ANGPT1: variants seen among roughly 807,000 people sequenced by gnomAD.
The protein encoded by ANGPT1 is angiopoietin 1, also known as angiopoietin-1.
ANGPT1 carries 17 observed loss-of-function variants against 62.2 expected under a neutral mutation model. The ratio of observed to expected loss-of-function variants is 0.27; its 90% confidence interval spans 0.19 to 0.41. The LOEUF is 0.41. Among genes scored for constraint, ANGPT1 ranks in the 10% least tolerant of loss-of-function variants. ANGPT1 has a pLI of 1.00. For missense variants in ANGPT1, 478 were observed against 594.9 expected (o/e 0.80, Z 2.04); for synonymous variants, 199 against 198.9 (o/e 1.00, Z 0.00).
intron 1 of ANGPT1, among the ~76,000 whole-genome samples, chr8:107,421,636 C>T (rs1466756209): frequency 2.0e-5 from 3 of 152,088 alleles, no homozygotes; most frequent in Non-Finnish European, 2.9e-5. Flanking sequence ...ATATCAGGTC[C>T]GGTGTGAAAG....
At chr8:107,403,679 ACTAT>A (rs1449626604) in intron 1 of ANGPT1, among the ~76,000 whole-genome samples, 2 of 152,278 alleles carry the variant, frequency 1.3e-5, no homozygotes, top group Non-Finnish European at 2.9e-5. Context: ...ATTTTTACAT[ACTAT>A]CTGTTATTTT....
At chr8:107,313,331 A>G (rs955864468) in intron 4 of ANGPT1, among the ~76,000 whole-genome samples, 2 of 151,524 alleles carry the variant, frequency 1.3e-5, no homozygotes, top group African/African-American at 4.8e-5. Context: ...TAGCACAAGC[A>G]TGAGATTCCA....
intron 7 of ANGPT1, among the ~76,000 whole-genome samples, chr8:107,283,306 TG>T (rs1296022165): frequency 2.6e-5 from 4 of 152,098 alleles, no homozygotes; most frequent in Admixed American, 6.6e-5. Context: ...GTCTCTTCTT[TG>T]GTTTCTTGAG....
At chr8:107,407,343 A>G (rs1033148186) in intron 1 of ANGPT1, among the ~76,000 whole-genome samples, 1 of 151,968 alleles carries the variant, frequency 6.6e-6, no homozygotes, top group African/African-American at 2.4e-5. Context: ...AAAAAAATCT[A>G]CATATTTAAA....
chr8:107,258,878 T>G (rs1433637626), intron 8 of ANGPT1, among the ~76,000 whole-genome samples: 1 of 152,186 alleles, frequency 6.6e-6, no homozygotes, highest in East Asian at 1.9e-4. Flanking sequence ...TAACATTCAT[T>G]TATGTATTTT....
At chr8:107,488,066 G>T (rs1048084449) in intron 1 of ANGPT1, among the ~76,000 whole-genome samples, 1 of 152,070 alleles carries the variant, frequency 6.6e-6, no homozygotes, top group African/African-American at 2.4e-5. Context: ...AGAATTTGCC[G>T]CTAATTAACC....
At chr8:107,427,232 C>G (rs1288750568) in intron 1 of ANGPT1, among the ~76,000 whole-genome samples, 1 of 152,062 alleles carries the variant, frequency 6.6e-6, no homozygotes, top group Non-Finnish European at 1.5e-5. Flanking sequence ...TGTGTGTGTT[C>G]TGGAGGAATG....
intron 1 of ANGPT1, among the ~76,000 whole-genome samples, chr8:107,439,363 A>AATGAGAAAATTAACATCATG: frequency 6.6e-6 from 1 of 152,324 alleles, no homozygotes; most frequent in South Asian, 2.1e-4. Context: ...AGAAAGCCAA[A>AATGAGAAAATTAACATCATG]ATGAGAAAAT....
chr8:107,490,274 C>T (rs774155475), intron 1 of ANGPT1, among the ~76,000 whole-genome samples: 2 of 152,208 alleles, frequency 1.3e-5, no homozygotes, highest in Non-Finnish European at 2.9e-5. Context: ...AATGCCACAA[C>T]CAACAGGATG....
At chr8:107,367,220 G>T (rs536828873) in intron 1 of ANGPT1, among the ~76,000 whole-genome samples, 8 of 152,042 alleles carry the variant, frequency 5.3e-5, no homozygotes, top group Admixed American at 4.6e-4. Context: ...CAATCTTTTT[G>T]GTTTCTCAGT....
intron 1 of ANGPT1, among the ~76,000 whole-genome samples, chr8:107,379,185 C>A (rs928526652): frequency 2.0e-5 from 3 of 152,070 alleles, no homozygotes; most frequent in Non-Finnish European, 4.4e-5. Context: ...TAAATGCAGA[C>A]CAACTATTAG....
chr8:107,415,762 T>C (rs1444903899), intron 1 of ANGPT1, among the ~76,000 whole-genome samples: 1 of 152,170 alleles, frequency 6.6e-6, no homozygotes, highest in Non-Finnish European at 1.5e-5. Flanking sequence ...GTGGCATCAA[T>C]AATCCAGCCT....
intron 1 of ANGPT1, among the ~76,000 whole-genome samples, chr8:107,452,879 T>C (rs901436550): frequency 6.6e-6 from 1 of 152,022 alleles, no homozygotes; most frequent in African/African-American, 2.4e-5. Context: ...CTCATGGAAA[T>C]CTCCATTCAC....
intron 1 of ANGPT1, among the ~76,000 whole-genome samples, chr8:107,373,590 C>T (rs1022675708): frequency 6.6e-6 from 1 of 152,160 alleles, no homozygotes. Flanking sequence ...CAAAAAGATA[C>T]TATTTACCAC....
intron 1 of ANGPT1, among the ~76,000 whole-genome samples, chr8:107,433,116 T>C (rs939497258): frequency 1.3e-5 from 2 of 152,210 alleles, no homozygotes; most frequent in Admixed American, 1.3e-4. Flanking sequence ...CTTTCTTAAA[T>C]AGTAGTTGAG....
chr8:107,423,160 G>A (rs1233494419), intron 1 of ANGPT1, among the ~76,000 whole-genome samples: 1 of 152,168 alleles, frequency 6.6e-6, no homozygotes, highest in African/African-American at 2.4e-5. Flanking sequence ...CATGGTAGGA[G>A]TATTTACACC....
intron 1 of ANGPT1, among the ~76,000 whole-genome samples, chr8:107,363,864 C>G (rs554764128): frequency 1.3e-5 from 2 of 152,232 alleles, no homozygotes; most frequent in South Asian, 4.2e-4. Flanking sequence ...CCTCAACTTC[C>G]TCATCTGTAA....
At chr8:107,492,877 A>G (rs1813000982) in intron 1 of ANGPT1, among the ~76,000 whole-genome samples, 1 of 150,522 alleles carries the variant, frequency 6.6e-6, no homozygotes, top group Non-Finnish European at 1.5e-5. Flanking sequence ...TATAGTATAC[A>G]GATATATACA....
chr8:107,384,362 C>T (rs191620048), intron 1 of ANGPT1, among the ~76,000 whole-genome samples: 45 of 152,160 alleles, frequency 3.0e-4, no homozygotes, highest in African/African-American at 6.3e-4. Flanking sequence ...TAACATCTAA[C>T]TTTCAGGAAC....
Sources: allele counts gnomAD v4.1 joint callset (sites outside exome capture counted in the v4.1 genomes callset), GRCh38; gene constraint gnomAD v4.1.1; transcripts MANE v1.5; gene names NCBI Gene and HGNC (gene_info 2026-07-23, HGNC 2026-07-21).